LRPAP1: variants seen among roughly 807,000 people sequenced by gnomAD.
LRPAP1 encodes the protein alpha-2-macroglobulin receptor-associated protein.
LRPAP1 carries 41 observed loss-of-function variants against 39.9 expected under a neutral mutation model. The ratio of observed to expected loss-of-function variants is 1.03; its 90% CI spans 0.80 to 1.33. LRPAP1 has a LOEUF of 1.33. Among genes scored for constraint, LRPAP1 ranks in the 40% most tolerant of loss-of-function variants. LRPAP1 has a pLI of 0.00. For missense variants in LRPAP1, 565 were observed against 482.3 expected, an observed-to-expected ratio of 1.17 and a Z score of -1.61; for synonymous variants, 263 against 212.7, an observed-to-expected ratio of 1.24 and a Z score of -2.06.
intron 1 of LRPAP1, among the ~76,000 whole-genome samples, chr4:3,531,299 C>T (rs554557378): frequency 6.6e-6 from 1 of 152,326 alleles, no homozygotes; most frequent in East Asian, 1.9e-4. Flanking sequence ...TTTCTCCTCT[C>T]CCTTTTCGTT....
At chr4:3,521,639 T>G (rs1729913125) in intron 2 of LRPAP1, among the ~76,000 whole-genome samples, 1 of 152,232 alleles carries the variant, frequency 6.6e-6, no homozygotes, top group African/African-American at 2.4e-5. Flanking sequence ...ACACGCAGCA[T>G]GTGCTTCTTG....
chr4:3,504,148 G>GA lies in LRPAP1; in HGVS notation c.*8825dup, dbSNP rs1560245747. On this transcript the variant is annotated 3_prime_UTR_variant, in exon 8 of 8. Coordinates refer to ENST00000650182, the MANE Select transcript of LRPAP1 (RefSeq NM_002337.4). ...TCGCCCTATCCTGAATGTGAGCGGG[G>GA]AAAGTGCTCACCTGGCAAGATCTGG... 1.3e-5 allele frequency: 2 copies of GA among 152,314 alleles called. No homozygotes were observed. Among genetic ancestry groups the GA allele is most frequent in the African/African-American group, 2.4e-5 (1 of 41,476 alleles). 9.4% of individuals were successfully genotyped at this position (152,314 alleles called of 1,614,324 possible).
rs1483144525 is a variant in LRPAP1, at chr4:3,503,674, G to A, written c.*9300C>T. The A allele has an allele frequency of 6.6e-6, 1 of 152,234 alleles. No homozygotes were observed. Among genetic ancestry groups the A allele is most frequent in the East Asian group, 1.9e-4 (1 of 5,202 alleles). The allele number at this position is 152,234 out of a possible 1,614,324, so 9.4% of individuals were successfully genotyped here. ...TGAAAACACTACACATCAAAACTTA[G>A]GGAAATGTGGTTAGTGTGGTACGTT... On this transcript the variant is annotated 3_prime_UTR_variant, in exon 8 of 8. Transcript: ENST00000650182.
Position 3,505,804 on chromosome 4 carries a change from T to G in LRPAP1, c.*7170A>C, listed in dbSNP as rs564616040. 6.6e-6 allele frequency among the ~76,000 whole-genome samples: 1 copy of G among 152,336 alleles called. No homozygotes were observed. Among genetic ancestry groups the G allele is most frequent in the African/African-American group, 2.4e-5 (1 of 41,576 alleles). ...CTCGGCAAGATGCTGGGGAGGTTTC[T>G]GTTAGGGTGGAGCTGGAAGCCATCA... is the stretch of plus-strand genomic sequence containing the variant. On this transcript the variant is annotated 3_prime_UTR_variant, in exon 8 of 8. Coordinates refer to ENST00000650182, the MANE Select transcript of LRPAP1 (RefSeq NM_002337.4).
intron 1 of LRPAP1, among the ~76,000 whole-genome samples, chr4:3,526,393 C>T (rs1741545): frequency 6.6e-6 from 1 of 152,068 alleles, no homozygotes; most frequent in Admixed American, 6.5e-5. Context: ...TTCCCTTAGA[C>T]GTTTGAAATA....
chr4:3,518,353 T>C (rs1209728706), intron 4 of LRPAP1, among the ~76,000 whole-genome samples, 161 bp from the exon 5 acceptor site: 2 of 147,802 alleles, frequency 1.4e-5, no homozygotes, highest in Non-Finnish European at 3.0e-5. Context: ...GAAACGACCG[T>C]TGGCACAGCT....
At chr4:3,526,762 C>T (rs1730090326) in intron 1 of LRPAP1, among the ~76,000 whole-genome samples, 1 of 152,228 alleles carries the variant, frequency 6.6e-6, no homozygotes, top group Non-Finnish European at 1.5e-5. Context: ...CTCCCTGCAG[C>T]TCAGTCTGTG....
intron 1 of LRPAP1, among the ~76,000 whole-genome samples, chr4:3,526,247 C>G (rs1730076302): frequency 6.6e-6 from 1 of 152,206 alleles, no homozygotes; most frequent in Non-Finnish European, 1.5e-5. Flanking sequence ...CACCTGCATT[C>G]TCACATTCCC....
intron 1 of LRPAP1, 58 bp downstream of exon 1, chr4:3,532,151 A>C: frequency 6.6e-7 from 1 of 1,519,244 alleles, no homozygotes; most frequent in Non-Finnish European, 8.9e-7. Flanking sequence ...CGCTCCAACG[A>C]CCCCAACCAC....
chr4:3,513,469 G>A (rs981031325), intron 7 of LRPAP1, among the ~76,000 whole-genome samples: 5 of 152,018 alleles, frequency 3.3e-5, no homozygotes, highest in Admixed American at 6.5e-5. Flanking sequence ...CGCCACGCCC[G>A]GCTAATTTTT....
rs748544192 is a variant in LRPAP1 at position 3,532,420 on chromosome 4, T to A, written c.-8A>T. 6.4e-7 allele frequency: 1 copy of A among 1,555,182 alleles called. No individual in the cohort carries two copies. Among genetic ancestry groups the A allele is most frequent in the Admixed American group, 1.9e-5 (1 of 52,994 alleles). On this transcript the variant is annotated 5_prime_UTR_variant, in exon 1 of 8. Transcript: ENST00000650182. The stretch of plus-strand genomic sequence containing the variant: ...GACCCTCCGCGGCGCCATCTTCCTC[T>A]GCGACTGGCGCTGCGCGGAGAAAAC...
chr4:3,526,160 C>T (rs1449371733), intron 1 of LRPAP1, among the ~76,000 whole-genome samples: 3 of 152,220 alleles, frequency 2.0e-5, no homozygotes, highest in Non-Finnish European at 2.9e-5. Flanking sequence ...TGGAGTCCTG[C>T]AGCAAAGGAA....
intron 1 of LRPAP1, 112 bp from the exon 2 acceptor site, chr4:3,525,163 AGGTGGAGTCAG>A: frequency 1.7e-6 from 2 of 1,191,862 alleles, no homozygotes. Context: ...GACCAGGAAG[AGGTGGAGTCAG>A]GGTCACTGTC....
chr4:3,527,418 G>T (rs1730110088), intron 1 of LRPAP1, among the ~76,000 whole-genome samples: 1 of 151,976 alleles, frequency 6.6e-6, no homozygotes, highest in South Asian at 2.1e-4. Context: ...AGGGGCAGTC[G>T]GTGCCTCAGG....
Position 3,506,326 on chromosome 4 carries a change from A to T in LRPAP1, c.*6648T>A, listed in dbSNP as rs1729353528. The T allele has an allele frequency of 6.6e-6, 1 of 150,808 alleles. No individual in the cohort carries two copies. The highest frequency in any genetic ancestry group is 2.4e-5 in the African/African-American group (1 of 41,040). 9.3% of individuals were successfully genotyped at this position (150,808 alleles called of 1,614,324 possible). A position where few individuals can be genotyped will look rare whatever the true frequency, so the allele number is the denominator to read the frequency against. ...AGTGATCTGCCCGCCTCAGCCTCCC[A>T]AAGTGCTGGGATTCCAGGCGGGAGC... On this transcript the variant is annotated 3_prime_UTR_variant, in exon 8 of 8. Transcript: ENST00000650182.
At chr4:3,514,497 G>A (rs1729630107) in intron 7 of LRPAP1, among the ~76,000 whole-genome samples, 1 of 152,238 alleles carries the variant, frequency 6.6e-6, no homozygotes, top group Non-Finnish European at 1.5e-5. Context: ...AGGAGGACGA[G>A]GCAGTGGCCC....
In LRPAP1 at chr4:3,505,875, G is replaced by T. The variant is rs1271046780; in HGVS notation, c.*7099C>A. On this transcript the variant is annotated 3_prime_UTR_variant, in exon 8 of 8. Transcript: ENST00000650182. ...CTTTCAGATGGATGCTGACCCAGCA[G>T]GCTGGGCTGAGCTGGGACCAGCTCT... Among the ~76,000 whole-genome samples the T allele has an allele frequency of 6.6e-6, 1 of 152,226 alleles. No homozygotes were observed. Among genetic ancestry groups the T allele is most frequent in the Non-Finnish European group, 1.5e-5 (1 of 68,032 alleles).
chr4:3,512,911 C>T lies in LRPAP1; in HGVS notation c.*63G>A, dbSNP rs567289580. The T allele has an allele frequency of 3.4e-5, 51 of 1,480,680 alleles. 1 individual carries two copies. The highest frequency in any genetic ancestry group is 3.6e-4 in the Middle Eastern group (2 of 5,608). The allele number at this position is 1,480,680 out of a possible 1,614,324, so 91.7% of individuals were successfully genotyped here. On this transcript the variant is annotated 3_prime_UTR_variant, in exon 8 of 8. Transcript: ENST00000650182. ...CGGCGGGCTGTCCACGGAAATGCCA[C>T]GGCCAAGAGCCCAGGTCCTTCACGC...
chr4:3,521,984 T>TA lies in LRPAP1; in HGVS notation c.350-1792dup, dbSNP rs1729923067. Among the ~76,000 whole-genome samples the TA allele has an allele frequency of 3.3e-5, 5 of 152,256 alleles. No homozygotes were observed. The South Asian group carries it at 1.0e-3, about 32-fold the overall frequency. ...GACCCCATCTTTTAAAATAAATAAATAATTAAATAAATAATACCGGCTGTG... is the reference window on the plus strand; with the variant it reads ...GACCCCATCTTTTAAAATAAATAAATAAATTAAATAAATAATACCGGCTGTG... On this transcript the variant is annotated intron_variant, in intron 2 of 7. Coordinates refer to ENST00000650182, the MANE Select transcript of LRPAP1 (RefSeq NM_002337.4).
Sources: gnomAD v4.1 joint callset for allele counts (sites outside exome capture counted in the v4.1 genomes callset) on GRCh38, gnomAD v4.1.1 for gene constraint, MANE v1.5 for transcripts, NCBI Gene and HGNC (gene_info 2026-07-23, HGNC 2026-07-21) for gene names.